Variants in TECPR1 observed in about 807,000 individuals in gnomAD.
TECPR1 encodes tectonin beta-propeller repeat-containing protein 1.
Under a neutral mutation model 162.4 loss-of-function variants are expected in TECPR1, and 122 were observed. The ratio of observed to expected loss-of-function variants is 0.75; its 90% confidence interval spans 0.65 to 0.87. The LOEUF (loss-of-function observed/expected upper bound fraction) is 0.87. TECPR1 is among the 40% of genes least tolerant of loss of function. TECPR1 has a pLI of 0.00. For synonymous variants in TECPR1, 642 were observed against 670.6 expected (o/e 0.96, Z 0.66); for missense variants, 1,432 against 1,618.2 (o/e 0.88, Z 1.97).
At chr7:98,243,386 AAG>A in intron 6 of TECPR1, 79 bp downstream of exon 6, 1 of 1,563,618 alleles carries the variant, frequency 6.4e-7, no homozygotes, top group Non-Finnish European at 8.7e-7. Context: ...GGGGAGGAGC[AAG>A]ACCCAGGGGG....
At position 98,233,444 on chromosome 7, in the gene TECPR1, G is replaced by A; in HGVS notation, c.1649C>T (p.Pro550Leu). Reference protein sequence around the residue: ...GGCVVEACAMPRWFTVQAGLS... With the variant: ...GGCVVEACAMLRWFTVQAGLS... ...ACCCGCCTGGACAGTGAACCATCTG[G>A]GCATGGCACATGCCTCCACCACGCA... The change falls in exon 11 of 26, where the codon CCC becomes CTC. Residue 550 changes from proline to leucine, a missense_variant. Pro to Leu is a moderately conservative substitution (Grantham distance 98). Transcript: ENST00000447648. 1 of 1,466,938 alleles carries A rather than the reference G, an allele frequency of 6.8e-7. No individual in the cohort carries two copies. The highest frequency in any genetic ancestry group is 1.5e-5 in the South Asian group (1 of 68,836). The allele number at this position is 1,466,938 out of a possible 1,614,324, so 90.9% of individuals were successfully genotyped here. A position where few individuals can be genotyped will look rare whatever the true frequency, so the allele number is the denominator to read the frequency against.
chr7:98,245,944 C>G lies in TECPR1; in HGVS notation c.203G>C (p.Arg68Pro). The G allele has an allele frequency of 6.2e-7, 1 of 1,603,238 alleles. No homozygotes were observed. The highest frequency in any genetic ancestry group is 1.1e-5 in the South Asian group (1 of 88,982). Residue 68 changes from arginine (R) to proline (P), a missense_variant, in exon 3 of 26, where the codon CGA becomes CCA. Arg to Pro is a moderately radical substitution (Grantham distance 103). Coordinates refer to ENST00000447648, the MANE Select transcript of TECPR1 (RefSeq NM_015395.3). ...VCASDVPIRR[R>P]EEAYENQRWN... is the part of the protein sequence containing the mutation. The stretch of plus-strand genomic sequence containing the variant: ...TACCTGATTCTCATAGGCCTCCTCT[C>G]GGCGGCGGATGGGGACATCGCTGGC...
chr7:98,234,053 T>C, intron 10 of TECPR1, 142 bp from the exon 11 acceptor site: 1 of 1,165,072 alleles, frequency 8.6e-7, no homozygotes, highest in Non-Finnish European at 1.2e-6. Flanking sequence ...TGTCTCTTCC[T>C]CTGTGCAAGG....
In TECPR1 at chr7:98,217,444, G is replaced by C. The variant is rs767034265; in HGVS notation, c.3444C>G (p.Ser1148=). ...ANATRAPRSS[S]QEQEPSAPPE... is the part of the protein sequence containing the mutation. ...GTGGGGCACTCGGCTCCTGCTCCTG[G>C]GACGAGCTCCGGGGGGCCCTGGTGG... The change falls in exon 26 of 26, where the codon TCC becomes TCG. Residue 1148 remains serine, a synonymous_variant. Transcript: ENST00000447648. The C allele has an allele frequency of 3.1e-6, 5 of 1,610,042 alleles. No homozygotes were observed. The highest frequency in any genetic ancestry group is 1.7e-5 in the Admixed American group (1 of 59,774).
At chr7:98,230,162 A>G (rs1286953144) in intron 15 of TECPR1, among the ~76,000 whole-genome samples, 1 of 150,504 alleles carries the variant, frequency 6.6e-6, no homozygotes, top group Admixed American at 6.6e-5. Flanking sequence ...ATGCCTTGCT[A>G]ACTTTTTTGG....
At position 98,214,915 on chromosome 7, in the gene TECPR1, C is replaced by T. The variant is rs2116508413; in HGVS notation, c.*2475G>A. ...TCTTCCCCTGAGGCCAGAGGGGACG[C>T]CCCGCGGCCACATCACACAGGATCC... On this transcript the variant is annotated 3_prime_UTR_variant, in exon 26 of 26. Coordinates refer to ENST00000447648, the MANE Select transcript of TECPR1 (RefSeq NM_015395.3). 6.6e-6 allele frequency: 1 copy of T among 152,508 alleles called. No individual in the cohort carries two copies. The highest frequency in any genetic ancestry group is 2.1e-4 in the South Asian group (1 of 4,832). 9.4% of individuals were successfully genotyped at this position (152,508 alleles called of 1,614,324 possible). A position where few individuals can be genotyped will look rare whatever the true frequency, so the allele number is the denominator to read the frequency against.
rs747115116 is a variant in TECPR1 at position 98,224,851 on chromosome 7, A to C, written c.2640T>G (p.Val880=). ...ACCCCTCCTGGTCCGTGCCCCCCGG[A>C]ACGCTGAAATCCACGAACCAGTCGG... ...WVSDWFVDFS[V]PGGTDQEGWQ... The change falls in exon 19 of 26, where the codon GTT becomes GTG. Residue 880 remains valine (V), a synonymous_variant. Coordinates refer to ENST00000447648, the MANE Select transcript of TECPR1 (RefSeq NM_015395.3). 1 of 1,574,614 alleles carries C rather than the reference A, an allele frequency of 6.4e-7. No homozygotes were observed. Among genetic ancestry groups the C allele is most frequent in the South Asian group, 1.2e-5 (1 of 85,732 alleles).
chr7:98,236,515 C>G (rs1324256537), intron 10 of TECPR1, among the ~76,000 whole-genome samples: 2 of 151,916 alleles, frequency 1.3e-5, no homozygotes, highest in African/African-American at 4.8e-5. Context: ...ACCCTGCTCC[C>G]AGGTGCCGCC....
intron 23 of TECPR1, among the ~76,000 whole-genome samples, chr7:98,218,577 G>A (rs1230210148): frequency 6.6e-6 from 1 of 152,180 alleles, no homozygotes; most frequent in Non-Finnish European, 1.5e-5. Flanking sequence ...CATGCCAGCA[G>A]CAACCAGGCT....
chr7:98,233,283 A>G, intron 11 of TECPR1, 138 bp downstream of exon 11: 2 of 1,198,198 alleles, frequency 1.7e-6, no homozygotes, highest in Non-Finnish European at 2.2e-6. Context: ...TGCCTGGCTC[A>G]GAGCTGCTGA....
chr7:98,246,063 G>A lies in TECPR1; in HGVS notation c.84C>T (p.Cys28=). 1.3e-6 allele frequency: 2 copies of A among 1,572,664 alleles called. No homozygotes were observed. Among genetic ancestry groups the A allele is most frequent in the Non-Finnish European group, 1.7e-6 (2 of 1,159,696 alleles). The change falls in exon 3 of 26, where the codon TGC becomes TGT. Residue 28 remains cysteine (C), a synonymous_variant. Transcript: ENST00000447648. ...LSTAGQYWEM[C]KDSQLEFKRV... Reference sequence around the variant, plus strand: ...GCTTGAACTCCAGCTGGGAGTCCTTGCACATTTCCCAGTACTGGCCTGCTG... The same window carrying A: ...GCTTGAACTCCAGCTGGGAGTCCTTACACATTTCCCAGTACTGGCCTGCTG...
At chr7:98,218,287 T>C in intron 23 of TECPR1, among the ~76,000 whole-genome samples, 1 of 152,158 alleles carries the variant, frequency 6.6e-6, no homozygotes, top group East Asian at 1.9e-4. Context: ...AGCCTCATAA[T>C]CGCCCTATTG....
chr7:98,248,732 A>T (rs763164591), intron 2 of TECPR1, among the ~76,000 whole-genome samples: 12 of 151,698 alleles, frequency 7.9e-5, no homozygotes, highest in Non-Finnish European at 1.6e-4. Flanking sequence ...CTGTAATCTC[A>T]GTTACTCAGG....
In TECPR1 at chr7:98,241,393, C is replaced by T. The variant is rs1798746015; in HGVS notation, c.658-149G>A. 11 of 894,990 alleles carry T rather than the reference C, an allele frequency of 1.2e-5. No homozygotes were observed. In the Admixed American group the frequency reaches 2.4e-4, roughly 20 times the overall value. The allele number at this position is 894,990 out of a possible 1,614,324, so 55.4% of individuals were successfully genotyped here. A position where few individuals can be genotyped will look rare whatever the true frequency, so the allele number is the denominator to read the frequency against. On this transcript the variant is annotated intron_variant, in intron 6 of 25. Transcript: ENST00000447648. The surrounding 1 kb of genome is among the most constrained non-coding windows in gnomAD (Gnocchi z 5.0). ...CCCTACCCCGGCCAAAAAACGCAAA[C>T]CCTGGATTCCGGTGGTCCTGAGGGA...
In TECPR1 at chr7:98,228,156, G is replaced by A. The variant is rs201419280; in HGVS notation, c.2411-40C>T. On this transcript the variant is annotated intron_variant, in intron 16 of 25. Transcript: ENST00000447648. ...GGCTGCTGGGACCGAGGCCACATAC[G>A]CTCCGCTTGGGACTCTGGCTTTCCG... 102 of 1,471,230 alleles carry A rather than the reference G, an allele frequency of 6.9e-5. No individual in the cohort carries two copies. In the East Asian group the frequency reaches 2.1e-3, roughly 30 times the overall value. 91.1% of individuals were successfully genotyped at this position (1,471,230 alleles called of 1,614,324 possible).
Position 98,233,755 on chromosome 7 carries a change from T to C in TECPR1, c.1338A>G (p.Ser446=), listed in dbSNP as rs749050335. Reference sequence around the variant, plus strand: ...CTGCGGTCCTGCCAGCCCCCAGGCCTGAGGCTGAGTTCCCTGTGGCATTCT... The same window carrying C: ...CTGCGGTCCTGCCAGCCCCCAGGCCCGAGGCTGAGTTCCCTGTGGCATTCT... ...DSKNATGNSA[S]GLGAGRTAED... The change falls in exon 11 of 26, where the codon TCA becomes TCG. Residue 446 remains serine, a synonymous_variant. Transcript: ENST00000447648. 2.5e-6 allele frequency: 4 copies of C among 1,612,660 alleles called. No homozygotes were observed. The highest frequency in any genetic ancestry group is 1.1e-5 in the South Asian group (1 of 91,012).
intron 8 of TECPR1, among the ~76,000 whole-genome samples, chr7:98,238,925 G>A (rs753921694): frequency 1.3e-5 from 2 of 152,188 alleles, no homozygotes; most frequent in Admixed American, 6.5e-5. Flanking sequence ...TTTGAATTGA[G>A]TTGGTCCCTG....
rs61692555 is a variant in TECPR1 at position 98,234,277 on chromosome 7, C to T, written c.1182-366G>A. ...AAGCGATTCTCCTGCCTCAGCCTCC[C>T]GAGTAGCTGAGAGATTACAGGCATG... On this transcript the variant is annotated intron_variant, in intron 10 of 25. Coordinates refer to ENST00000447648, the MANE Select transcript of TECPR1 (RefSeq NM_015395.3). Among the ~76,000 whole-genome samples, 994 of 152,296 alleles carry T rather than the reference C, an allele frequency of 6.5e-3. 15 individuals carry two copies. The highest frequency in any genetic ancestry group is 0.023 in the African/African-American group (958 of 41,564).
In TECPR1 at chr7:98,232,944, G is replaced by C. The variant is rs376381125; in HGVS notation, c.1701C>G (p.Ser567=). ...AGLSSSVHML[S]LSITPAQTAA... ...CGGTCTGGGCCGGCGTGATGGACAG[G>C]GACAGCATGTGTACCGAGGAGGACA... The change falls in exon 12 of 26, where the codon TCC becomes TCG. Residue 567 remains serine, a synonymous_variant. Coordinates refer to ENST00000447648, the MANE Select transcript of TECPR1 (RefSeq NM_015395.3). This position sits in a 1 kb window ranked among gnomAD's most constrained non-coding sequence, Gnocchi z 4.6. The C allele has an allele frequency of 4.3e-6, 7 of 1,612,332 alleles. No individual in the cohort carries two copies. The African/African-American group carries it at 8.0e-5, about 18-fold the overall frequency.
Sources: allele counts gnomAD v4.1 joint callset (sites outside exome capture counted in the v4.1 genomes callset), GRCh38; gene constraint gnomAD v4.1.1; non-coding constraint Gnocchi (gnomAD v3.1); transcripts MANE v1.5; gene names NCBI Gene and HGNC (gene_info 2026-07-23, HGNC 2026-07-21).